RAC2: variants seen among roughly 807,000 people sequenced by gnomAD.
RAC2 encodes ras-related C3 botulinum toxin substrate 2.
RAC2 carries 1 observed loss-of-function variant against 24.0 expected under a neutral mutation model. The ratio of observed to expected loss-of-function variants is 0.04; its 90% CI spans 0.01 to 0.20. The LOEUF (loss-of-function observed/expected upper bound fraction) is 0.20, where lower values mean the gene tolerates loss of function less well. RAC2 is among the 10% of genes least tolerant of loss of function. RAC2 has a pLI of 1.00. For synonymous variants in RAC2, 114 were observed against 106.8 expected (o/e 1.07, Z -0.41); for missense variants, 130 against 259.1 (o/e 0.50, Z 3.42).
Position 37,231,428 on chromosome 22 carries a change from T to TG in RAC2, c.289-39_289-38insC. 1.2e-6 allele frequency: 2 copies of TG among 1,603,900 alleles called. No homozygotes were observed. The highest frequency in any genetic ancestry group is 1.7e-6 in the Non-Finnish European group (2 of 1,172,596). On this transcript the variant is annotated intron_variant, in intron 4 of 6. Transcript: ENST00000249071. The surrounding 1 kb of genome is among the most constrained non-coding windows in gnomAD (Gnocchi z 5.5). ...GTGGGGGGACACAAGGTTGTATGGG[T>TG]CAAGAGGGGGCGCGAGGCTGTGCGG...
chr22:37,232,942 G>A, intron 2 of RAC2, 24 bp from the exon 3 acceptor site: 1 of 1,569,132 alleles, frequency 6.4e-7, no homozygotes, highest in Non-Finnish European at 8.8e-7. Context: ...GCAAGGCGGA[G>A]GTAAGGTCAA....
rs1926814040 is a variant in RAC2 at position 37,225,796 on chromosome 22, G to T, written c.*246C>A. The stretch of plus-strand genomic sequence containing the variant: ...ACACGGGGGTGGCTTAATGGGTCCT[G>T]GGGCTCCCCTCTGGCCCTCAGGAAG... On this transcript the variant is annotated 3_prime_UTR_variant, in exon 7 of 7. Coordinates refer to ENST00000249071, the MANE Select transcript of RAC2 (RefSeq NM_002872.5). 6.6e-6 allele frequency: 1 copy of T among 152,290 alleles called. No homozygotes were observed. The highest frequency in any genetic ancestry group is 6.5e-5 in the Admixed American group (1 of 15,278). 9.4% of individuals were successfully genotyped at this position (152,290 alleles called of 1,614,324 possible).
In RAC2 at chr22:37,232,823, C is replaced by T. The variant is rs1927109339; in HGVS notation, c.203G>A (p.Arg68Gln). Residue 68 changes from arginine (R) to glutamine (Q), a missense_variant, in exon 3 of 7, where the codon CGG (arginine) becomes CAG (glutamine). Coordinates refer to ENST00000249071, the MANE Select transcript of RAC2 (RefSeq NM_002872.5). ...CACCGTCTGTGGATAGGAGAGCGGC[C>T]GGAGACGGTCGTAGTCCTCCTGCCC... ...TAGQEDYDRLRPLSYPQTDVF... is the reference protein window; with the variant it reads ...TAGQEDYDRLQPLSYPQTDVF... 3 of 1,613,836 alleles carry T rather than the reference C, an allele frequency of 1.9e-6. No homozygotes were observed. The highest frequency in any genetic ancestry group is 1.7e-6 in the Non-Finnish European group (2 of 1,179,876).
At position 37,244,099 on chromosome 22, in the gene RAC2, C is replaced by A. The variant is rs748808662; in HGVS notation, c.35+15G>T. On this transcript the variant is annotated intron_variant, in intron 1 of 6. Coordinates refer to ENST00000249071, the MANE Select transcript of RAC2 (RefSeq NM_002872.5). ...CCCAGTTGGGGGCTGTGAGGAAGTC[C>A]AGCCAGGTACCTACCCATCTCCCAC... The A allele has an allele frequency of 6.2e-7, 1 of 1,614,152 alleles. No homozygotes were observed. Among genetic ancestry groups the A allele is most frequent in the Non-Finnish European group, 8.5e-7 (1 of 1,179,972 alleles).
intron 5 of RAC2, among the ~76,000 whole-genome samples, chr22:37,230,683 C>G (rs1401867391): frequency 6.6e-6 from 1 of 152,066 alleles, no homozygotes; most frequent in Non-Finnish European, 1.5e-5. Flanking sequence ...AGGGGTCGAG[C>G]TGAGAAACCA....
In RAC2 at chr22:37,226,726, C is replaced by T. The variant is rs773894520; in HGVS notation, c.526G>A (p.Val176Met). ...KTVFDEAIRA[V>M]LCPQPTRQQK... ...TGCCGCGTGGGCTGAGGGCACAGCA[C>T]GGCCCGGATGGCCTCGTCGAACACG... The change falls in exon 6 of 7, where the codon GTG becomes ATG. Residue 176 changes from valine to methionine, a missense_variant. By Grantham distance (21) the Val-to-Met change is conservative. Coordinates refer to ENST00000249071, the MANE Select transcript of RAC2 (RefSeq NM_002872.5). The T allele has an allele frequency of 9.3e-6, 15 of 1,613,114 alleles. No individual in the cohort carries two copies. Among genetic ancestry groups the T allele is most frequent in the Non-Finnish European group, 1.2e-5 (14 of 1,179,580 alleles).
At position 37,231,740 on chromosome 22, in the gene RAC2, G is replaced by A. The variant is rs546980365; in HGVS notation, c.288+192C>T. On this transcript the variant is annotated intron_variant, in intron 4 of 6. Transcript: ENST00000249071. The surrounding 1 kb of genome is among the most constrained non-coding windows in gnomAD (Gnocchi z 5.5). Reference sequence around the variant, plus strand: ...GAAAGTGGGGGTATAGCTAACTATCGCAGCACCCCCCACCCCAGGTCCTCT... The same window carrying A: ...GAAAGTGGGGGTATAGCTAACTATCACAGCACCCCCCACCCCAGGTCCTCT... Among the ~76,000 whole-genome samples the A allele has an allele frequency of 3.9e-5, 6 of 152,076 alleles. No individual in the cohort carries two copies. In the South Asian group the frequency reaches 8.3e-4, roughly 21 times the overall value.
At chr22:37,232,637 G>A (rs1927101716) in intron 3 of RAC2, 164 bp downstream of exon 3, 1 of 661,322 alleles carries the variant, frequency 1.5e-6, no homozygotes, top group African/African-American at 1.8e-5. Context: ...AGTGCAAGAG[G>A]AAGCCCTTCT....
In RAC2 at chr22:37,231,460, G is replaced by A; in HGVS notation, c.289-70C>T. On this transcript the variant is annotated intron_variant, in intron 4 of 6. Transcript: ENST00000249071. This position sits in a 1 kb window ranked among gnomAD's most constrained non-coding sequence, Gnocchi z 5.5. ...GGGGCGCGAGGCTGTGCGGGGATCA[G>A]AGGGAGTGTGAGGGTGTAGGGAGAG... is the stretch of plus-strand genomic sequence containing the variant. 1 of 1,434,556 alleles carries A rather than the reference G, an allele frequency of 7.0e-7. No individual in the cohort carries two copies. The highest frequency in any genetic ancestry group is 9.8e-7 in the Non-Finnish European group (1 of 1,025,278). 88.9% of individuals were successfully genotyped at this position (1,434,556 alleles called of 1,614,324 possible). A position where few individuals can be genotyped will look rare whatever the true frequency, so the allele number is the denominator to read the frequency against.
At chr22:37,234,808 C>T (rs1927174349) in intron 2 of RAC2, among the ~76,000 whole-genome samples, 1 of 152,190 alleles carries the variant, frequency 6.6e-6, no homozygotes, top group African/African-American at 2.4e-5. Context: ...CTGTCTGTAT[C>T]TCCCTCTGGA....
intron 2 of RAC2, among the ~76,000 whole-genome samples, chr22:37,237,224 G>T (rs1399139316): frequency 1.3e-5 from 2 of 149,632 alleles, no homozygotes; most frequent in African/African-American, 2.5e-5. Flanking sequence ...AGGGAGGAAG[G>T]GAGGGAGGGA....
chr22:37,244,108 A>G lies in RAC2; in HGVS notation c.35+6T>C. On this transcript the variant is annotated splice_donor_region_variant and intron_variant, in intron 1 of 6. Coordinates refer to ENST00000249071, the MANE Select transcript of RAC2 (RefSeq NM_002872.5). ...GGGCTGTGAGGAAGTCCAGCCAGGT[A>G]CCTACCCATCTCCCACCACCACACA... is the stretch of plus-strand genomic sequence containing the variant. 1 of 1,614,146 alleles carries G rather than the reference A, an allele frequency of 6.2e-7. No homozygotes were observed. The highest frequency in any genetic ancestry group is 8.5e-7 in the Non-Finnish European group (1 of 1,179,988).
intron 2 of RAC2, among the ~76,000 whole-genome samples, chr22:37,239,518 G>T (rs1468469077): frequency 1.3e-5 from 2 of 152,158 alleles, no homozygotes; most frequent in Admixed American, 6.5e-5. Flanking sequence ...GGCCACCAGG[G>T]ATCAGGGACC....
chr22:37,226,206 T>C (rs1926830117), intron 6 of RAC2, among the ~76,000 whole-genome samples, 167 bp from the exon 7 acceptor site: 1 of 151,836 alleles, frequency 6.6e-6, no homozygotes, highest in South Asian at 2.1e-4. Flanking sequence ...TCTCTGTCCT[T>C]CTGGTCCCAC....
intron 1 of RAC2, among the ~76,000 whole-genome samples, chr22:37,243,102 G>A (rs1001866719): frequency 3.3e-5 from 5 of 152,140 alleles, no homozygotes; most frequent in Admixed American, 1.3e-4. Flanking sequence ...GGGCTCAGGC[G>A]ATTCTCCCAC....
In RAC2 at chr22:37,226,749, A is replaced by G. The variant is rs1323888842; in HGVS notation, c.503T>C (p.Val168Ala). Residue 168 changes from valine to alanine, a missense_variant, in exon 6 of 7, where the codon GTG becomes GCG. Val to Ala is a moderately conservative substitution (Grantham distance 64). This residue lies in a region of RAC2 where 119 missense variants were observed against 192.1 expected (regional missense o/e 0.62). Transcript: ENST00000249071. ...SALTQRGLKT[V>A]FDEAIRAVLC... The stretch of plus-strand genomic sequence containing the variant: ...CACGGCCCGGATGGCCTCGTCGAAC[A>G]CGGTTTTCAGGCCTCTCTGGGTGAG... The G allele has an allele frequency of 6.2e-6, 10 of 1,613,032 alleles. 1 individual carries two copies. Among genetic ancestry groups the G allele is most frequent in the Non-Finnish European group, 8.5e-6 (10 of 1,179,570 alleles).
intron 5 of RAC2, among the ~76,000 whole-genome samples, 160 bp from the exon 6 acceptor site, chr22:37,226,963 C>T: frequency 2.1e-5 from 3 of 142,450 alleles, no homozygotes; most frequent in African/African-American, 5.3e-5. Flanking sequence ...ACACCCCTCC[C>T]ACGCCATACA....
chr22:37,237,915 G>A (rs1454649370), intron 2 of RAC2, among the ~76,000 whole-genome samples: 1 of 151,956 alleles, frequency 6.6e-6, no homozygotes, highest in Non-Finnish European at 1.5e-5. Flanking sequence ...CAGGGTGGTG[G>A]GATGGAGAGG....
At chr22:37,229,563 C>T (rs1926992640) in intron 5 of RAC2, among the ~76,000 whole-genome samples, 2 of 152,220 alleles carry the variant, frequency 1.3e-5, no homozygotes, top group African/African-American at 4.8e-5. Context: ...CAAAACTTGT[C>T]ATCCCAGGGC....
Sources: gnomAD v4.1 joint callset for allele counts (sites outside exome capture counted in the v4.1 genomes callset) on GRCh38, gnomAD v4.1.1 for gene constraint, gnomAD v4.1.1 regional missense constraint, Gnocchi (gnomAD v3.1) non-coding constraint, MANE v1.5 for transcripts, NCBI Gene and HGNC (gene_info 2026-07-23, HGNC 2026-07-21) for gene names.